The following CTDSP1 variants were observed in gnomAD, a reference collection of about 807,000 sequenced individuals.
CTDSP1 encodes the protein carboxy-terminal domain RNA polymerase II polypeptide A small phosphatase 1.
A neutral mutation model predicts 32.5 loss-of-function variants in CTDSP1; 15 were observed. That is an observed-to-expected ratio of 0.46 (90% CI 0.31 to 0.71). The LOEUF (loss-of-function observed/expected upper bound fraction) is 0.71, where lower values mean the gene tolerates loss of function less well. Among genes scored for constraint, CTDSP1 ranks in the 30% least tolerant of loss-of-function variants. The probability of loss-of-function intolerance (pLI) is 0.05; values close to 1 mark genes in which losing one functional copy is unlikely to be tolerated. For missense variants in CTDSP1, 294 were observed against 351.1 expected (o/e 0.84, Z 1.30); for synonymous variants, 185 against 145.4 (o/e 1.27, Z -1.96).
chr2:218,400,686 C>T (rs553745426), intron 1 of CTDSP1: 68 of 453,090 alleles, frequency 1.5e-4, no homozygotes, highest in African/African-American at 1.3e-3. Context: ...GTGGAGGCGC[C>T]GACCCCCTCG....
Position 218,403,145 on chromosome 2 carries a change from C to A in CTDSP1, c.471+18C>A, listed in dbSNP as rs1279775072. The A allele has an allele frequency of 6.2e-7, 1 of 1,613,676 alleles. No homozygotes were observed. Among genetic ancestry groups the A allele is most frequent in the South Asian group, 1.1e-5 (1 of 91,064 alleles). Reference sequence around the variant, plus strand: ...TCGCCAAGGTGAGCCCCACAGGGGTCCCGGGGCAACCCTGCCCTCCTACCT... The same window carrying A: ...TCGCCAAGGTGAGCCCCACAGGGGTACCGGGGCAACCCTGCCCTCCTACCT... On this transcript the variant is annotated intron_variant, in intron 5 of 6. Transcript: ENST00000273062.
Sources: allele counts gnomAD v4.1 joint callset, GRCh38; gene constraint gnomAD v4.1.1; transcripts MANE v1.5; gene names NCBI Gene and HGNC (gene_info 2026-07-23, HGNC 2026-07-21).